Variants in SUCLG2 observed in about 807,000 individuals in gnomAD.
SUCLG2 encodes the protein succinate--CoA ligase [GDP-forming] subunit beta, mitochondrial.
SUCLG2 carries 42 observed loss-of-function variants against 47.9 expected under a neutral mutation model. The observed-to-expected ratio is 0.88, with a 90% CI of 0.69 to 1.14. SUCLG2 has a LOEUF of 1.14. Ranked by LOEUF, SUCLG2 falls within the 50% of genes most tolerant of loss-of-function variation. The probability of loss-of-function intolerance (pLI) is 0.00; values close to 1 mark genes in which losing one functional copy is unlikely to be tolerated. For synonymous variants in SUCLG2, 195 were observed against 197.3 expected (o/e 0.99, Z 0.10); for missense variants, 571 against 525.9 (o/e 1.09, Z -0.84).
chr3:67,540,367 G>A (rs1366386051), intron 2 of SUCLG2, among the ~76,000 whole-genome samples: 1 of 151,980 alleles, frequency 6.6e-6, no homozygotes, highest in African/African-American at 2.4e-5. Flanking sequence ...GGGAGGAGGG[G>A]CATCTGCCAT....
At chr3:67,498,414 T>A in intron 7 of SUCLG2, 119 bp from the exon 8 acceptor site, 1 of 1,115,614 alleles carries the variant, frequency 9.0e-7, no homozygotes, top group East Asian at 2.5e-5. Flanking sequence ...TTTTCACATG[T>A]TACAGGCAGG....
intron 9 of SUCLG2, among the ~76,000 whole-genome samples, chr3:67,433,576 G>C (rs1005753485): frequency 6.6e-6 from 1 of 152,124 alleles, no homozygotes; most frequent in Non-Finnish European, 1.5e-5. Context: ...AGGAAAAAAG[G>C]CTATTTCTTC....
At chr3:67,592,380 C>T (rs190359512) in intron 2 of SUCLG2, among the ~76,000 whole-genome samples, 12 of 152,252 alleles carry the variant, frequency 7.9e-5, no homozygotes, top group South Asian at 2.1e-4. Context: ...ACTCACTATC[C>T]TAGCAGAGAA....
intron 1 of SUCLG2, among the ~76,000 whole-genome samples, chr3:67,622,665 A>C (rs1213425322): frequency 6.6e-6 from 1 of 152,252 alleles, no homozygotes; most frequent in African/African-American, 2.4e-5. Context: ...AAATGAAAGA[A>C]GGCAAGCTAG....
intron 1 of SUCLG2, among the ~76,000 whole-genome samples, chr3:67,631,882 G>A (rs1463604567): frequency 2.0e-5 from 3 of 152,170 alleles, no homozygotes; most frequent in Admixed American, 2.0e-4. Context: ...TAATTAATTA[G>A]ATACAAAGCC....
At chr3:67,449,772 C>T (rs1704010452) in intron 9 of SUCLG2, among the ~76,000 whole-genome samples, 1 of 151,992 alleles carries the variant, frequency 6.6e-6, no homozygotes, top group Non-Finnish European at 1.5e-5. Context: ...TGCCACCATG[C>T]CCAGCTAATT....
At chr3:67,439,383 GC>G (rs1703702595) in intron 9 of SUCLG2, among the ~76,000 whole-genome samples, 1 of 152,152 alleles carries the variant, frequency 6.6e-6, no homozygotes, top group South Asian at 2.1e-4. Flanking sequence ...GGAAGTTCCG[GC>G]CAGGGCAATC....
intron 10 of SUCLG2, among the ~76,000 whole-genome samples, chr3:67,379,427 C>T (rs953704207): frequency 4.6e-5 from 7 of 152,152 alleles, no homozygotes; most frequent in South Asian, 2.1e-4. Context: ...TTTTTTATCA[C>T]GGTTCCCACT....
chr3:67,648,045 T>C (rs1189658929), intron 1 of SUCLG2, among the ~76,000 whole-genome samples: 3 of 152,196 alleles, frequency 2.0e-5, no homozygotes, highest in Non-Finnish European at 2.9e-5. Flanking sequence ...AGAGAAATAA[T>C]CATCCTGGGC....
At chr3:67,388,264 T>C (rs772779540) in intron 10 of SUCLG2, among the ~76,000 whole-genome samples, 1 of 152,142 alleles carries the variant, frequency 6.6e-6, no homozygotes, top group African/African-American at 2.4e-5. Context: ...TCCACTATTA[T>C]AGCTCCTCTC....
At chr3:67,627,423 G>T (rs976096644) in intron 1 of SUCLG2, among the ~76,000 whole-genome samples, 4 of 152,188 alleles carry the variant, frequency 2.6e-5, no homozygotes, top group African/African-American at 9.7e-5. Context: ...TTTCTCATTA[G>T]ATCTGAACAG....
intron 2 of SUCLG2, among the ~76,000 whole-genome samples, chr3:67,570,974 G>A (rs550488040): frequency 2.6e-5 from 4 of 152,250 alleles, no homozygotes; most frequent in East Asian, 3.9e-4. Context: ...AGACAGTCTT[G>A]GAGACTGGGC....
rs572727426 is a variant in SUCLG2 at position 67,549,987 on chromosome 3, C to A, written c.227-20801G>T. Among the ~76,000 whole-genome samples, 4 of 152,276 alleles carry A rather than the reference C, an allele frequency of 2.6e-5. No individual in the cohort carries two copies. The East Asian group carries it at 7.7e-4, about 29-fold the overall frequency. ...GCTGCCTGAGATGTGTACACAGACA[C>A]CATTCAGCTCTACTGGGCTTAAACC... On this transcript the variant is annotated intron_variant, in intron 2 of 10. Coordinates refer to ENST00000307227, the MANE Select transcript of SUCLG2 (RefSeq NM_003848.4).
At chr3:67,602,252 T>A (rs1708436626) in intron 2 of SUCLG2, among the ~76,000 whole-genome samples, 1 of 152,170 alleles carries the variant, frequency 6.6e-6, no homozygotes, top group South Asian at 2.1e-4. Context: ...CCACCACTAT[T>A]ATTTTTATTG....
intron 2 of SUCLG2, among the ~76,000 whole-genome samples, chr3:67,585,966 C>CAAAAAAAAA (rs67546250): frequency 1.5e-4 from 9 of 59,878 alleles, no homozygotes; most frequent in African/African-American, 4.1e-4. Context: ...GACTCCATTT[C>CAAAAAAAAA]AAAAAAAAAA....
chr3:67,489,571 G>A (rs1705153368), intron 9 of SUCLG2, among the ~76,000 whole-genome samples: 1 of 152,132 alleles, frequency 6.6e-6, no homozygotes, highest in Non-Finnish European at 1.5e-5. Context: ...TGCAAGAATA[G>A]AAATGCAGGG....
chr3:67,629,306 G>A (rs755297768), intron 1 of SUCLG2, among the ~76,000 whole-genome samples: 1 of 152,188 alleles, frequency 6.6e-6, no homozygotes, highest in Non-Finnish European at 1.5e-5. Context: ...CCCCCAGACT[G>A]CTCCCACTCC....
intron 5 of SUCLG2, among the ~76,000 whole-genome samples, chr3:67,519,618 GATTTAAGAAATAA>G (rs1448133288): frequency 6.6e-6 from 1 of 151,964 alleles, no homozygotes; most frequent in East Asian, 1.9e-4. Context: ...TAGACAAAGA[GATTTAAGAAATAA>G]AATCTCCCCT....
At chr3:67,627,705 G>C (rs2107346654) in intron 1 of SUCLG2, among the ~76,000 whole-genome samples, 2 of 152,260 alleles carry the variant, frequency 1.3e-5, no homozygotes, top group East Asian at 3.9e-4. Context: ...CTAATGTTTT[G>C]TCACCATAGC....
Sources: gnomAD v4.1 joint callset for allele counts (sites outside exome capture counted in the v4.1 genomes callset) on GRCh38, gnomAD v4.1.1 for gene constraint, MANE v1.5 for transcripts, NCBI Gene and HGNC (gene_info 2026-07-23, HGNC 2026-07-21) for gene names.